Variants in TRPV3 observed in about 807,000 individuals in gnomAD.
TRPV3 encodes the protein VRL-3.
Under a neutral mutation model 87.1 loss-of-function variants are expected in TRPV3, and 88 were observed. The ratio of observed to expected loss-of-function variants is 1.01; its 90% confidence interval spans 0.85 to 1.21. TRPV3 has a LOEUF of 1.21. Among genes scored for constraint, TRPV3 ranks in the 50% most tolerant of loss-of-function variants. The pLI is 0.00. For synonymous variants in TRPV3, 438 were observed against 423.3 expected (o/e 1.03, Z -0.43); for missense variants, 1,054 against 1,030.1 (o/e 1.02, Z -0.32).
chr17:3,532,646 C>T lies in TRPV3; in HGVS notation c.1065+11G>A. ...CCCGACCTCCTGCCTCCCCACGCCC[C>T]ATGGCCCCACCTCCGCCTTGCCCAT... On this transcript the variant is annotated intron_variant, in intron 8 of 17. Coordinates refer to ENST00000576742, the MANE Select transcript of TRPV3 (RefSeq NM_145068.4). 1 of 1,613,448 alleles carries T rather than the reference C, an allele frequency of 6.2e-7. No individual in the cohort carries two copies. The highest frequency in any genetic ancestry group is 8.5e-7 in the Non-Finnish European group (1 of 1,179,756).
chr17:3,523,884 T>C (rs996180316), intron 13 of TRPV3, among the ~76,000 whole-genome samples: 4 of 146,644 alleles, frequency 2.7e-5, no homozygotes, highest in Non-Finnish European at 5.9e-5. Flanking sequence ...GGAATATACA[T>C]ATTCCACCTA....
intron 2 of TRPV3, among the ~76,000 whole-genome samples, chr17:3,550,977 C>G (rs1022357656): frequency 6.6e-6 from 1 of 152,186 alleles, no homozygotes; most frequent in Non-Finnish European, 1.5e-5. Context: ...TCCCAATGAC[C>G]ATGTCAACCT....
At position 3,530,310 on chromosome 17, in the gene TRPV3, A is replaced by C; in HGVS notation, c.1066-107T>G. On this transcript the variant is annotated intron_variant, in intron 8 of 17. Transcript: ENST00000576742. This position sits in a 1 kb window ranked among gnomAD's most constrained non-coding sequence, Gnocchi z 4.0. The stretch of plus-strand genomic sequence containing the variant: ...GGCCCAGGGGATACACCCGCCCAGA[A>C]TGGGTGGAGACCTGCCTCTGCGCCT... The C allele has an allele frequency of 1.8e-6, 2 of 1,123,320 alleles. No homozygotes were observed. Among genetic ancestry groups the C allele is most frequent in the Non-Finnish European group, 2.5e-6 (2 of 801,254 alleles). 69.6% of individuals were successfully genotyped at this position (1,123,320 alleles called of 1,614,324 possible). A position where few individuals can be genotyped will look rare whatever the true frequency, so the allele number is the denominator to read the frequency against.
chr17:3,527,977 C>G, intron 11 of TRPV3, 48 bp downstream of exon 11: 1 of 1,452,924 alleles, frequency 6.9e-7, no homozygotes, highest in Non-Finnish European at 9.6e-7. Flanking sequence ...GAGGCTGTCA[C>G]CTGCCTGCCT....
intron 14 of TRPV3, among the ~76,000 whole-genome samples, chr17:3,520,732 C>T (rs1027068872): frequency 2.6e-5 from 4 of 152,146 alleles, no homozygotes; most frequent in African/African-American, 7.2e-5. Context: ...AGCATACCAA[C>T]ATGGCACATG....
intron 2 of TRPV3, among the ~76,000 whole-genome samples, chr17:3,547,431 G>A (rs1372235603): frequency 2.6e-5 from 4 of 152,146 alleles, no homozygotes; most frequent in African/African-American, 7.2e-5. Flanking sequence ...GACCAGCCTC[G>A]CCAACATGGT....
Position 3,518,802 on chromosome 17 carries a change from C to T in TRPV3, c.1859G>A (p.Ser620Asn). 6.2e-7 allele frequency: 1 copy of T among 1,614,166 alleles called. No homozygotes were observed. Among genetic ancestry groups the T allele is most frequent in the African/African-American group, 1.3e-5 (1 of 75,060 alleles). ...TGCGTCGCTGAAGCTGCCGTAGGAG[C>T]TGCAGTCCTTGTTGTCTTTGGGACA... Reference protein sequence around the residue: ...EKCPKDNKDCSSYGSFSDAVL... With the variant: ...EKCPKDNKDCNSYGSFSDAVL... The change falls in exon 15 of 18, where the codon AGC (serine) becomes AAC (asparagine). Residue 620 changes from serine to asparagine, a missense_variant. Ser to Asn is a conservative substitution (Grantham distance 46). Coordinates refer to ENST00000576742, the MANE Select transcript of TRPV3 (RefSeq NM_145068.4). This position sits in a 1 kb window ranked among gnomAD's most constrained non-coding sequence, Gnocchi z 4.3.
chr17:3,527,026 T>C, intron 11 of TRPV3, 99 bp from the exon 12 acceptor site: 1 of 946,998 alleles, frequency 1.1e-6, no homozygotes, highest in African/African-American at 1.6e-5. Context: ...TCAGTGAGGG[T>C]TGAATGCACA....
intron 6 of TRPV3, among the ~76,000 whole-genome samples, chr17:3,538,505 C>T (rs887608001): frequency 1.3e-5 from 2 of 151,430 alleles, no homozygotes; most frequent in African/African-American, 4.9e-5. Context: ...TTCTGTACAC[C>T]GTTGTGGGGA....
intron 2 of TRPV3, among the ~76,000 whole-genome samples, chr17:3,547,144 G>A (rs79621328): frequency 0.011 from 1,634 of 152,242 alleles, 16 homozygotes; most frequent in Non-Finnish European, 0.015. Context: ...AGGTTTTCCC[G>A]TCACCACCTA....
chr17:3,532,712 C>G lies in TRPV3; in HGVS notation c.1010G>C (p.Arg337Pro). ...CAGCGGCGTGAGGCCATCGTTGTTG[C>G]GAGTGGTCTCCAGCTCCCAGTTGCC... is the stretch of plus-strand genomic sequence containing the variant. ...RSGNWELETT[R>P]NNDGLTPLQL... Residue 337 changes from arginine to proline, a missense_variant, in exon 8 of 18, where the codon CGC becomes CCC. Transcript: ENST00000576742. 6.2e-7 allele frequency: 1 copy of G among 1,614,236 alleles called. No homozygotes were observed. The highest frequency in any genetic ancestry group is 8.5e-7 in the Non-Finnish European group (1 of 1,180,050).
At position 3,530,398 on chromosome 17, in the gene TRPV3, C is replaced by G; in HGVS notation, c.1066-195G>C. 2.3e-6 allele frequency: 1 copy of G among 436,164 alleles called. No homozygotes were observed. The allele number at this position is 436,164 out of a possible 1,614,324, so 27.0% of individuals were successfully genotyped here. A position where few individuals can be genotyped will look rare whatever the true frequency, so the allele number is the denominator to read the frequency against. On this transcript the variant is annotated intron_variant, in intron 8 of 17. Transcript: ENST00000576742. This position sits in a 1 kb window ranked among gnomAD's most constrained non-coding sequence, Gnocchi z 4.0. ...ATGCGCACAAAGCTTGCTGTTCCGC[C>G]CATCTCACTGGGGGTTGTGAATACC... is the stretch of plus-strand genomic sequence containing the variant.
intron 6 of TRPV3, among the ~76,000 whole-genome samples, chr17:3,536,155 C>A (rs1359264029): frequency 1.3e-5 from 2 of 152,272 alleles, no homozygotes; most frequent in African/African-American, 4.8e-5. Flanking sequence ...GCTCATCAGC[C>A]AGGGCAAGAG....
rs565353312 is a variant in TRPV3 at position 3,529,910 on chromosome 17, A to G, written c.1242+117T>C. On this transcript the variant is annotated intron_variant, in intron 9 of 17. Transcript: ENST00000576742. ...GCTCACTGAGGCAACAGAGTGGGGTATGCAGATGCCGAGGGATGGAGCTGG... is the reference window on the plus strand; with the variant it reads ...GCTCACTGAGGCAACAGAGTGGGGTGTGCAGATGCCGAGGGATGGAGCTGG... The G allele has an allele frequency of 4.4e-4, 521 of 1,179,526 alleles. 5 individuals are homozygous for G. In the South Asian group the frequency reaches 7.8e-3, roughly 18 times the overall value. 73.1% of individuals were successfully genotyped at this position (1,179,526 alleles called of 1,614,324 possible).
chr17:3,526,744 G>T, intron 12 of TRPV3, 110 bp downstream of exon 12: 1 of 844,250 alleles, frequency 1.2e-6, no homozygotes. Flanking sequence ...CAGAGTGACT[G>T]GGACACCGTG....
chr17:3,546,473 G>A (rs1011593001), intron 2 of TRPV3, among the ~76,000 whole-genome samples: 1 of 151,914 alleles, frequency 6.6e-6, no homozygotes, highest in African/African-American at 2.4e-5. Context: ...AAACATAGAC[G>A]CATAGGGGAA....
chr17:3,525,079 G>A (rs1170362039), intron 12 of TRPV3, among the ~76,000 whole-genome samples: 1 of 152,188 alleles, frequency 6.6e-6, no homozygotes, highest in African/African-American at 2.4e-5. Context: ...GAGTACAGTG[G>A]CATGAACTCT....
At chr17:3,520,321 G>A (rs750023188) in intron 14 of TRPV3, among the ~76,000 whole-genome samples, 27 of 152,184 alleles carry the variant, frequency 1.8e-4, no homozygotes, top group Non-Finnish European at 3.4e-4. Flanking sequence ...GACCAGAGAG[G>A]CTCTCACAGT....
intron 6 of TRPV3, among the ~76,000 whole-genome samples, chr17:3,540,574 C>T (rs779469447): frequency 6.6e-6 from 1 of 152,174 alleles, no homozygotes; most frequent in Non-Finnish European, 1.5e-5. Flanking sequence ...ATGTACTAAG[C>T]GTCTCTTAGG....
Sources: gnomAD v4.1 joint callset for allele counts (sites outside exome capture counted in the v4.1 genomes callset) on GRCh38, gnomAD v4.1.1 for gene constraint, Gnocchi (gnomAD v3.1) non-coding constraint, MANE v1.5 for transcripts, NCBI Gene and HGNC (gene_info 2026-07-23, HGNC 2026-07-21) for gene names.